The following LOXL2 variants were observed in gnomAD, a reference collection of about 807,000 sequenced individuals.
LOXL2 encodes the protein lysyl oxidase like 2.
A neutral mutation model predicts 93.0 loss-of-function variants in LOXL2; 70 were observed. That is an observed-to-expected ratio of 0.75 (90% confidence interval 0.62 to 0.92). The LOEUF (loss-of-function observed/expected upper bound fraction) is 0.92, where lower values mean the gene tolerates loss of function less well. Among genes scored for constraint, LOXL2 ranks in the 40% least tolerant of loss-of-function variants. LOXL2 has a pLI of 0.00. For missense variants in LOXL2, 973 were observed against 1,054.9 expected (o/e 0.92, Z 1.08); for synonymous variants, 438 against 413.2 (o/e 1.06, Z -0.73).
At chr8:23,323,711 G>GA (rs146443435) in intron 6 of LOXL2, among the ~76,000 whole-genome samples, 22 of 148,734 alleles carry the variant, frequency 1.5e-4, no homozygotes, top group Admixed American at 5.4e-4. Flanking sequence ...TTTTTGGGGG[G>GA]GTGGGGGTGG....
intron 11 of LOXL2, 99 bp from the exon 12 acceptor site, chr8:23,302,262 G>A: frequency 6.8e-7 from 1 of 1,474,256 alleles, no homozygotes; most frequent in Non-Finnish European, 9.4e-7. Context: ...CTTCATCTGG[G>A]CTCGGCATCC....
chr8:23,331,413 C>G (rs1161134851), intron 5 of LOXL2: 1 of 152,244 alleles, frequency 6.6e-6, no homozygotes, highest in Non-Finnish European at 1.5e-5. Flanking sequence ...ATGATTACTA[C>G]GATCATCACG....
intron 6 of LOXL2, 58 bp downstream of exon 6, chr8:23,328,300 AGCTCACGGCCAGCAGCCAGGCTGG>A: frequency 6.9e-7 from 1 of 1,457,900 alleles, no homozygotes; most frequent in Non-Finnish European, 9.5e-7. Context: ...ATTTCCCGAG[AGCTCACGGCCAGCAGCCAGGCTGG>A]GCTCACGGCA....
intron 8 of LOXL2, among the ~76,000 whole-genome samples, chr8:23,319,317 T>G (rs1803455496): frequency 6.6e-6 from 1 of 152,174 alleles, no homozygotes; most frequent in South Asian, 2.1e-4. Context: ...AGCTCAGCTG[T>G]TCTCAGCTGA....
Position 23,401,384 on chromosome 8 carries a change from A to G in LOXL2, c.-84+2570T>C, listed in dbSNP as rs114437010. Among the ~76,000 whole-genome samples, 1,206 of 152,286 alleles carry G rather than the reference A, an allele frequency of 7.9e-3. 9 individuals are homozygous for G. Among genetic ancestry groups the G allele is most frequent in the African/African-American group, 0.027 (1,137 of 41,540 alleles). On this transcript the variant is annotated intron_variant, in intron 1 of 13. Transcript: ENST00000389131. Reference sequence around the variant, plus strand: ...AGACTGCTATTTGGCATTAGATGATACCAAATATTTTTTTTTTAGTTTTCT... The same window carrying G: ...AGACTGCTATTTGGCATTAGATGATGCCAAATATTTTTTTTTTAGTTTTCT...
intron 9 of LOXL2, among the ~76,000 whole-genome samples, chr8:23,311,773 C>A (rs1041351603): frequency 3.3e-5 from 5 of 152,188 alleles, no homozygotes; most frequent in African/African-American, 1.2e-4. Context: ...CCTAGACTAA[C>A]AAGAGACAGA....
chr8:23,351,085 G>A (rs1442446440), intron 3 of LOXL2, among the ~76,000 whole-genome samples: 1 of 152,184 alleles, frequency 6.6e-6, no homozygotes, highest in Admixed American at 6.5e-5. Flanking sequence ...AGCTCAGGAT[G>A]GGCAAGACGG....
intron 1 of LOXL2, among the ~76,000 whole-genome samples, chr8:23,377,862 C>T (rs1804618300): frequency 6.6e-6 from 1 of 152,156 alleles, no homozygotes; most frequent in Admixed American, 6.5e-5. Flanking sequence ...CTCCTGAATA[C>T]AGCACACTGA....
intron 1 of LOXL2, among the ~76,000 whole-genome samples, chr8:23,388,623 T>TCTCA (rs1345236325): frequency 7.0e-6 from 1 of 142,822 alleles, no homozygotes; most frequent in African/African-American, 2.6e-5. Flanking sequence ...AAAAATATAC[T>TCTCA]CACACACACA....
chr8:23,349,167 G>A (rs971186131), intron 3 of LOXL2, among the ~76,000 whole-genome samples: 1 of 152,098 alleles, frequency 6.6e-6, no homozygotes, highest in African/African-American at 2.4e-5. Flanking sequence ...AGTCAGCTGT[G>A]CAAGGAGAAT....
intron 1 of LOXL2, among the ~76,000 whole-genome samples, chr8:23,376,063 T>C (rs1804582944): frequency 2.0e-5 from 3 of 152,216 alleles, no homozygotes. Context: ...CAATATGATA[T>C]GGGCTGTGGG....
chr8:23,354,950 T>TATATA lies in LOXL2; in HGVS notation c.531+5139_531+5140insTATAT, dbSNP rs1491334754. On this transcript the variant is annotated intron_variant, in intron 3 of 13. Transcript: ENST00000389131. ...GAGTTGGAATATATATATATATATA[T>TATATA]TTTTTTTTTTTTTTTTTTTTTTTTT... Among the ~76,000 whole-genome samples the TATATA allele has an allele frequency of 3.0e-3, 54 of 17,938 alleles. 1 individual carries two copies. Among genetic ancestry groups the TATATA allele is most frequent in the East Asian group, 8.1e-3 (2 of 248 alleles). The allele number at this position is 17,938 out of a possible 152,430, so 11.8% of individuals were successfully genotyped here. A position where few individuals can be genotyped will look rare whatever the true frequency, so the allele number is the denominator to read the frequency against.
chr8:23,371,393 A>G (rs55922453), intron 1 of LOXL2, among the ~76,000 whole-genome samples: 39,087 of 151,958 alleles, frequency 0.26, 5,323 homozygotes, highest in African/African-American at 0.36. Context: ...GTAAATCTCA[A>G]TGAAGATCGA....
chr8:23,382,123 G>A (rs1215470332), intron 1 of LOXL2, among the ~76,000 whole-genome samples: 1 of 152,174 alleles, frequency 6.6e-6, no homozygotes, highest in Admixed American at 6.5e-5. Flanking sequence ...TGAAATTATA[G>A]TTCGGTTGCC....
In LOXL2 at chr8:23,353,076, C is replaced by T. The variant is rs547165433; in HGVS notation, c.531+7014G>A. ...TGAAGAAAAGAGAAAAGATGAAAAC[C>T]TTCCCTGATCTAACGACACACAGCC... is the stretch of plus-strand genomic sequence containing the variant. On this transcript the variant is annotated intron_variant, in intron 3 of 13. Transcript: ENST00000389131. Among the ~76,000 whole-genome samples the T allele has an allele frequency of 4.8e-3, 732 of 152,140 alleles. 5 individuals are homozygous for T. The highest frequency in any genetic ancestry group is 7.6e-3 in the Non-Finnish European group (516 of 68,006).
At chr8:23,402,795 A>G (rs1800169277) in intron 1 of LOXL2, 1 of 151,540 alleles carries the variant, frequency 6.6e-6, no homozygotes, top group Admixed American at 6.6e-5. Context: ...AAAAAAAAGT[A>G]TTGTTTTTGA....
chr8:23,399,465 T>C (rs1391664118), intron 1 of LOXL2, among the ~76,000 whole-genome samples: 2 of 152,154 alleles, frequency 1.3e-5, no homozygotes, highest in East Asian at 1.9e-4. Context: ...CACCAATTAA[T>C]AGATGAATCG....
intron 9 of LOXL2, among the ~76,000 whole-genome samples, 163 bp from the exon 10 acceptor site, chr8:23,310,074 TTCC>T (rs1212005519): frequency 2.6e-5 from 4 of 152,232 alleles, no homozygotes; most frequent in Non-Finnish European, 5.9e-5. Flanking sequence ...AGACCCTGAA[TTCC>T]TCTTTTCCTC....
rs1242598772 is a variant in LOXL2, at chr8:23,360,177, GCAGT to G, written c.440_443del (p.Asp147AlafsTer25). On this transcript the variant is annotated frameshift_variant, in exon 3 of 14. Coordinates refer to ENST00000389131, the MANE Select transcript of LOXL2 (RefSeq NM_002318.3). LOFTEE classifies it high-confidence loss of function. Reference sequence around the variant, plus strand: ...CCACACCGACATCCTCCGTGTGCTTGCAGTCAGTGACGCCCCAGCCATTGGAGGT... The same window carrying G: ...CCACACCGACATCCTCCGTGTGCTTGCAGTGACGCCCCAGCCATTGGAGGT... 6.2e-7 allele frequency: 1 copy of G among 1,613,958 alleles called. No individual in the cohort carries two copies. The highest frequency in any genetic ancestry group is 8.5e-7 in the Non-Finnish European group (1 of 1,179,936).
Sources: gnomAD v4.1 joint callset for allele counts (sites outside exome capture counted in the v4.1 genomes callset) on GRCh38, gnomAD v4.1.1 for gene constraint, MANE v1.5 for transcripts, NCBI Gene and HGNC (gene_info 2026-07-23, HGNC 2026-07-21) for gene names.